CNTNAP2: variants seen among roughly 807,000 people sequenced by gnomAD.
The protein encoded by CNTNAP2 is contactin-associated protein-like 2.
CNTNAP2 carries 98 observed loss-of-function variants against 155.2 expected under a neutral mutation model. The ratio of observed to expected loss-of-function variants is 0.63; its 90% CI spans 0.54 to 0.75. The LOEUF (loss-of-function observed/expected upper bound fraction) is 0.75, where lower values mean the gene tolerates loss of function less well. Ranked by LOEUF, CNTNAP2 falls within the 30% of genes least tolerant of loss-of-function variation. The pLI, the probability that CNTNAP2 is intolerant of heterozygous loss-of-function variation, is 0.00. For missense variants in CNTNAP2, 1,727 were observed against 1,688.1 expected (o/e 1.02, Z -0.40); for synonymous variants, 651 against 631.2 (o/e 1.03, Z -0.47).
At chr7:147,530,690 G>A (rs1399755169) in intron 11 of CNTNAP2, among the ~76,000 whole-genome samples, 1 of 152,106 alleles carries the variant, frequency 6.6e-6, no homozygotes, top group Non-Finnish European at 1.5e-5. Context: ...AGATTTGGGT[G>A]AGGACACAGT....
At chr7:147,642,863 CTT>C (rs892459770) in intron 13 of CNTNAP2, among the ~76,000 whole-genome samples, 4 of 152,112 alleles carry the variant, frequency 2.6e-5, no homozygotes, top group African/African-American at 9.7e-5. Flanking sequence ...TATATCAAAT[CTT>C]TGGTTCACAT....
At chr7:147,322,974 T>A (rs1298662800) in intron 9 of CNTNAP2, among the ~76,000 whole-genome samples, 1 of 63,182 alleles carries the variant, frequency 1.6e-5, no homozygotes, top group African/African-American at 8.3e-5. Context: ...CTTTTTTTCT[T>A]TATTAGTCTT....
intron 1 of CNTNAP2, among the ~76,000 whole-genome samples, chr7:146,473,131 T>C (rs1279722484): frequency 6.6e-6 from 1 of 152,016 alleles, no homozygotes; most frequent in Non-Finnish European, 1.5e-5. Context: ...TGATCTAGCA[T>C]CTCTGAAGGA....
chr7:147,123,871 G>A (rs937446097), intron 6 of CNTNAP2, among the ~76,000 whole-genome samples: 1 of 151,996 alleles, frequency 6.6e-6, no homozygotes, highest in African/African-American at 2.4e-5. Flanking sequence ...TGAAACCCCC[G>A]TCTCCACTAA....
chr7:147,703,036 C>A (rs1026918970), intron 13 of CNTNAP2, among the ~76,000 whole-genome samples: 1 of 152,098 alleles, frequency 6.6e-6, no homozygotes, highest in Non-Finnish European at 1.5e-5. Context: ...AGAAGTGTCA[C>A]TTTCCCTGGC....
chr7:146,416,363 G>A (rs1206405417), intron 1 of CNTNAP2, among the ~76,000 whole-genome samples: 13 of 151,588 alleles, frequency 8.6e-5, no homozygotes, highest in Non-Finnish European at 1.8e-4. Flanking sequence ...CTCCATTTCC[G>A]ACCTGGGTCA....
Position 147,108,135 on chromosome 7 carries a change from T to G in CNTNAP2, c.551-12T>G. The G allele has an allele frequency of 1.3e-6, 2 of 1,583,460 alleles. No individual in the cohort carries two copies. Among genetic ancestry groups the G allele is most frequent in the East Asian group, 2.3e-5 (1 of 44,088 alleles). ...TGGCTGAACTAATATGTTATTTTTT[T>G]TTTTGTTTTAGGGGCTGATGTTATC... On this transcript the variant is annotated splice_polypyrimidine_tract_variant and intron_variant, in intron 4 of 23. Coordinates refer to ENST00000361727, the MANE Select transcript of CNTNAP2 (RefSeq NM_014141.6).
At chr7:147,613,029 A>G (rs1212157216) in intron 12 of CNTNAP2, among the ~76,000 whole-genome samples, 1 of 152,196 alleles carries the variant, frequency 6.6e-6, no homozygotes, top group African/African-American at 2.4e-5. Context: ...TTTAGGATAT[A>G]TAACTAGAAA....
intron 10 of CNTNAP2, among the ~76,000 whole-genome samples, chr7:147,463,925 C>A: frequency 9.0e-6 from 1 of 110,888 alleles, no homozygotes; most frequent in African/African-American, 3.7e-5. Flanking sequence ...TAAAAATCTG[C>A]ATAAACACAG....
At chr7:146,827,122 A>T (rs1199982895) in intron 2 of CNTNAP2, among the ~76,000 whole-genome samples, 4 of 151,980 alleles carry the variant, frequency 2.6e-5, no homozygotes, top group Non-Finnish European at 1.5e-5. Flanking sequence ...TATTTCCAGG[A>T]TATAATTAAT....
chr7:148,408,078 C>G (rs961180772), intron 22 of CNTNAP2, among the ~76,000 whole-genome samples: 2 of 152,088 alleles, frequency 1.3e-5, no homozygotes, highest in Non-Finnish European at 2.9e-5. Context: ...AACCCTGTCT[C>G]TACTAAAAAT....
chr7:148,390,381 T>C (rs1799319471), intron 22 of CNTNAP2, among the ~76,000 whole-genome samples: 1 of 152,194 alleles, frequency 6.6e-6, no homozygotes, highest in Admixed American at 6.5e-5. Context: ...TGTGAAATTA[T>C]TACTGTGTTT....
At chr7:147,703,431 G>A (rs1242898758) in intron 13 of CNTNAP2, among the ~76,000 whole-genome samples, 1 of 152,118 alleles carries the variant, frequency 6.6e-6, no homozygotes, top group Non-Finnish European at 1.5e-5. Flanking sequence ...TTTACTGAAA[G>A]GCAATTTCAG....
intron 21 of CNTNAP2, among the ~76,000 whole-genome samples, chr7:148,315,467 C>T (rs544709091): frequency 6.6e-6 from 1 of 152,160 alleles, no homozygotes; most frequent in African/African-American, 2.4e-5. Context: ...AGGAATTTCA[C>T]AAGATAATGT....
At chr7:146,880,524 T>A (rs934487702) in intron 3 of CNTNAP2, among the ~76,000 whole-genome samples, 4 of 151,996 alleles carry the variant, frequency 2.6e-5, no homozygotes, top group African/African-American at 9.7e-5. Context: ...TAAATAAAGA[T>A]CTTACCTGAG....
At chr7:146,322,555 G>A (rs564875016) in intron 1 of CNTNAP2, among the ~76,000 whole-genome samples, 1 of 149,660 alleles carries the variant, frequency 6.7e-6, no homozygotes, top group Non-Finnish European at 1.5e-5. Flanking sequence ...ATTTAAATTT[G>A]GGAAATCTAT....
intron 2 of CNTNAP2, among the ~76,000 whole-genome samples, chr7:146,803,026 A>AAAAT (rs556620084): frequency 3.9e-5 from 6 of 152,172 alleles, no homozygotes; most frequent in South Asian, 2.1e-4. Flanking sequence ...TTGCAGGTAA[A>AAAAT]AAATAAATAA....
intron 1 of CNTNAP2, among the ~76,000 whole-genome samples, chr7:146,188,551 A>C (rs1370802709): frequency 1.3e-5 from 2 of 152,176 alleles, no homozygotes; most frequent in Non-Finnish European, 2.9e-5. Context: ...CATGGCTTAG[A>C]CAGGTTAATT....
chr7:147,899,889 T>A (rs1326112630), intron 13 of CNTNAP2, among the ~76,000 whole-genome samples: 1 of 124,336 alleles, frequency 8.0e-6, no homozygotes, highest in Non-Finnish European at 1.7e-5. Flanking sequence ...CCAGACTCCA[T>A]CTCAAAAAAA....
Sources: allele counts gnomAD v4.1 joint callset (sites outside exome capture counted in the v4.1 genomes callset), GRCh38; gene constraint gnomAD v4.1.1; transcripts MANE v1.5; gene names NCBI Gene and HGNC (gene_info 2026-07-23, HGNC 2026-07-21).